The following LTBP1 variants were observed in gnomAD, a reference collection of about 807,000 sequenced individuals.
LTBP1 encodes latent transforming growth factor beta binding protein 1, also known as latent-transforming growth factor beta-binding protein 1.
A neutral mutation model predicts 207.6 loss-of-function variants in LTBP1; 129 were observed. That is an observed-to-expected ratio of 0.62 (90% CI 0.54 to 0.72). LTBP1 has a LOEUF of 0.72. Ranked by LOEUF, LTBP1 falls within the 30% of genes least tolerant of loss-of-function variation. The pLI is 0.00. For synonymous variants in LTBP1, 963 were observed against 833.7 expected (o/e 1.16, Z -2.67); for missense variants, 2,281 against 2,217.2 (o/e 1.03, Z -0.58).
chr2:33,254,855 T>TG (rs2092796727), intron 11 of LTBP1, among the ~76,000 whole-genome samples: 3 of 92,330 alleles, frequency 3.2e-5, no homozygotes, highest in Admixed American at 1.0e-4. Context: ...GTGTTTGGTT[T>TG]TTTTTTTTTT....
intron 7 of LTBP1, among the ~76,000 whole-genome samples, chr2:33,199,700 T>C (rs1293473985): frequency 6.6e-6 from 1 of 152,204 alleles, no homozygotes; most frequent in Non-Finnish European, 1.5e-5. Flanking sequence ...TGTTGGCAGA[T>C]GACATGATTG....
intron 8 of LTBP1, among the ~76,000 whole-genome samples, chr2:33,217,994 A>G (rs546692973): frequency 4.1e-4 from 63 of 152,360 alleles, no homozygotes; most frequent in Non-Finnish European, 7.5e-4. Context: ...CAAACCCTGT[A>G]AAAAGTACAG....
At chr2:33,340,070 A>G (rs2094599102) in intron 24 of LTBP1, among the ~76,000 whole-genome samples, 2 of 151,940 alleles carry the variant, frequency 1.3e-5, no homozygotes, top group African/African-American at 4.8e-5. Context: ...TGATTAAGAA[A>G]TGTGCTTGCA....
At chr2:33,202,868 G>C (rs2089472489) in intron 7 of LTBP1, among the ~76,000 whole-genome samples, 1 of 152,224 alleles carries the variant, frequency 6.6e-6, no homozygotes, top group South Asian at 2.1e-4. Context: ...AGGTGAGGCT[G>C]AGGCTACTAG....
chr2:33,023,861 C>A (rs1312685275), intron 3 of LTBP1, among the ~76,000 whole-genome samples: 5 of 152,160 alleles, frequency 3.3e-5, no homozygotes, highest in Admixed American at 3.3e-4. Flanking sequence ...ATGTGATAGG[C>A]CCACTTTGGC....
At chr2:33,124,235 C>A (rs1027466797) in intron 4 of LTBP1, among the ~76,000 whole-genome samples, 1 of 151,988 alleles carries the variant, frequency 6.6e-6, no homozygotes, top group African/African-American at 2.4e-5. Context: ...ATGGTGAAAC[C>A]CCCGTCTCTA....
chr2:33,211,447 G>T (rs983994354), intron 7 of LTBP1, among the ~76,000 whole-genome samples: 21 of 152,154 alleles, frequency 1.4e-4, no homozygotes, highest in African/African-American at 5.1e-4. Context: ...CCCAGTATCT[G>T]GGATTGGACA....
At chr2:33,073,836 AG>A (rs2077933032) in intron 3 of LTBP1, among the ~76,000 whole-genome samples, 1 of 152,178 alleles carries the variant, frequency 6.6e-6, no homozygotes, top group Non-Finnish European at 1.5e-5. Flanking sequence ...CATGTTGGCC[AG>A]GCTGGTCTCA....
At chr2:33,155,724 T>G (rs1308738538) in intron 5 of LTBP1, among the ~76,000 whole-genome samples, 1 of 152,224 alleles carries the variant, frequency 6.6e-6, no homozygotes, top group African/African-American at 2.4e-5. Flanking sequence ...GTGTTTCAAC[T>G]TTGCTTATGG....
At chr2:33,269,030 CTG>C (rs1190932430) in intron 15 of LTBP1, among the ~76,000 whole-genome samples, 1 of 152,190 alleles carries the variant, frequency 6.6e-6, no homozygotes, top group Non-Finnish European at 1.5e-5. Flanking sequence ...CCTCAATAAA[CTG>C]TGTATGCGGA....
rs138978678 is a variant in LTBP1, at chr2:33,313,683, C to T, written c.3605-1461C>T. Among the ~76,000 whole-genome samples, 799 of 152,186 alleles carry T rather than the reference C, an allele frequency of 5.3e-3. 9 individuals are homozygous for T. The highest frequency in any genetic ancestry group is 0.018 in the African/African-American group (766 of 41,520). ...AAGGACATGGGATCATTTTTATGAC[C>T]CCCAATTAACTAAAAGAACCTTCAC... On this transcript the variant is annotated intron_variant, in intron 23 of 33. Transcript: ENST00000404816.
At chr2:33,396,901 A>G (rs1224188372) in intron 32 of LTBP1, among the ~76,000 whole-genome samples, 2 of 152,256 alleles carry the variant, frequency 1.3e-5, no homozygotes, top group African/African-American at 4.8e-5. Context: ...ATTTTAACAT[A>G]GAATATCAGA....
intron 7 of LTBP1, among the ~76,000 whole-genome samples, chr2:33,215,600 A>G (rs971930485): frequency 6.6e-6 from 1 of 151,986 alleles, no homozygotes; most frequent in Non-Finnish European, 1.5e-5. Context: ...CTGCCAGGTG[A>G]CTGGTGTCTA....
intron 5 of LTBP1, among the ~76,000 whole-genome samples, chr2:33,150,651 T>G (rs2083435724): frequency 6.6e-6 from 1 of 151,654 alleles, no homozygotes; most frequent in Non-Finnish European, 1.5e-5. Flanking sequence ...CTATTTGTCC[T>G]TTTGTGACTA....
chr2:33,050,072 G>A (rs536643296), intron 3 of LTBP1, among the ~76,000 whole-genome samples: 1 of 151,992 alleles, frequency 6.6e-6, no homozygotes, highest in Admixed American at 6.5e-5. Context: ...TCGAACTCCC[G>A]GCCTCAAGCG....
intron 31 of LTBP1, 72 bp from the exon 32 acceptor site, chr2:33,389,112 C>A: frequency 1.2e-6 from 2 of 1,602,602 alleles, no homozygotes; most frequent in South Asian, 1.1e-5. Context: ...TCCCGTTGCT[C>A]TGAGCTGCGA....
chr2:33,300,434 C>A lies in LTBP1; in HGVS notation c.3236-17C>A, dbSNP rs759486995. ...GTAGTCTCTTTTTCAGAAAAATTGCCGTTGTTGTGTTTGCAGATATTGATG... is the reference window on the plus strand; with the variant it reads ...GTAGTCTCTTTTTCAGAAAAATTGCAGTTGTTGTGTTTGCAGATATTGATG... On this transcript the variant is annotated splice_polypyrimidine_tract_variant and intron_variant, in intron 20 of 33. Coordinates refer to ENST00000404816, the MANE Select transcript of LTBP1 (RefSeq NM_206943.4). 1.2e-6 allele frequency: 2 copies of A among 1,609,932 alleles called. No homozygotes were observed. The highest frequency in any genetic ancestry group is 1.7e-6 in the Non-Finnish European group (2 of 1,177,558).
intron 5 of LTBP1, among the ~76,000 whole-genome samples, chr2:33,139,110 G>A (rs893037225): frequency 4.6e-5 from 7 of 151,732 alleles, no homozygotes; most frequent in Admixed American, 1.3e-4. Context: ...CGCCCGCCTC[G>A]GCCTCCCAAA....
chr2:33,080,158 C>G (rs2078312688), intron 3 of LTBP1, among the ~76,000 whole-genome samples: 1 of 152,084 alleles, frequency 6.6e-6, no homozygotes, highest in Admixed American at 6.5e-5. Flanking sequence ...TCTTGAGTAG[C>G]TGGGCTTACA....
Sources: allele counts gnomAD v4.1 joint callset (sites outside exome capture counted in the v4.1 genomes callset), GRCh38; gene constraint gnomAD v4.1.1; transcripts MANE v1.5; gene names NCBI Gene and HGNC (gene_info 2026-07-23, HGNC 2026-07-21).